Variants in COBL observed in about 807,000 individuals in gnomAD.
COBL encodes the protein cordon-bleu WH2 repeat protein.
COBL carries 51 observed loss-of-function variants against 98.8 expected under a neutral mutation model. The observed-to-expected ratio is 0.52, with a 90% CI of 0.41 to 0.65. The LOEUF is 0.65. Among genes scored for constraint, COBL ranks in the 30% least tolerant of loss-of-function variants. The pLI, the probability that COBL is intolerant of heterozygous loss-of-function variation, is 0.00. For missense variants in COBL, 1,617 were observed against 1,617.5 expected (o/e 1.00, Z 0.01); for synonymous variants, 634 against 651.7 (o/e 0.97, Z 0.41).
At chr7:51,090,210 G>A (rs1329571419) in intron 6 of COBL, among the ~76,000 whole-genome samples, 1 of 152,132 alleles carries the variant, frequency 6.6e-6, no homozygotes, top group Non-Finnish European at 1.5e-5. Context: ...TAGCAGAAAA[G>A]GAAGCCCCGC....
intron 1 of COBL, among the ~76,000 whole-genome samples, chr7:51,265,293 T>C (rs964667101): frequency 7.2e-5 from 11 of 152,138 alleles, no homozygotes; most frequent in East Asian, 3.9e-4. Context: ...GGGAGTTAAA[T>C]AGCTGTGGAG....
At chr7:51,222,136 CCG>C (rs1477836001) in intron 1 of COBL, among the ~76,000 whole-genome samples, 1 of 152,098 alleles carries the variant, frequency 6.6e-6, no homozygotes, top group Non-Finnish European at 1.5e-5. Context: ...TTGCAGTGAG[CCG>C]AGATCGCACC....
At chr7:51,161,509 G>A (rs114452603) in intron 5 of COBL, among the ~76,000 whole-genome samples, 309 of 152,274 alleles carry the variant, frequency 2.0e-3, no homozygotes, top group African/African-American at 7.2e-3. Context: ...CTTTTGCTAT[G>A]GAAATCACTT....
At chr7:51,254,769 C>G (rs759613296) in intron 1 of COBL, among the ~76,000 whole-genome samples, 1 of 152,146 alleles carries the variant, frequency 6.6e-6, no homozygotes, top group South Asian at 2.1e-4. Context: ...ACCATCTGAC[C>G]TCATGAAGGG....
chr7:51,085,854 T>C (rs1366546954), intron 6 of COBL, among the ~76,000 whole-genome samples: 3 of 152,182 alleles, frequency 2.0e-5, no homozygotes, highest in Non-Finnish European at 4.4e-5. Context: ...CACATCTTGA[T>C]CCAGAATCGC....
chr7:51,125,794 T>C (rs1798147363), intron 6 of COBL, among the ~76,000 whole-genome samples: 1 of 152,130 alleles, frequency 6.6e-6, no homozygotes, highest in Non-Finnish European at 1.5e-5. Flanking sequence ...CTAAAACAAA[T>C]GTTTTCAGAA....
chr7:51,154,322 G>A (rs1785879771), intron 5 of COBL, among the ~76,000 whole-genome samples: 1 of 152,226 alleles, frequency 6.6e-6, no homozygotes, highest in Admixed American at 6.5e-5. Flanking sequence ...AATGTGCTAT[G>A]AGCGCAAACT....
chr7:51,148,544 G>A (rs1021437950), intron 5 of COBL, among the ~76,000 whole-genome samples: 1 of 152,152 alleles, frequency 6.6e-6, no homozygotes, highest in African/African-American at 2.4e-5. Flanking sequence ...CTAAGGTCTT[G>A]TCCTGGCCCC....
chr7:51,089,188 T>C (rs891429776), intron 6 of COBL, among the ~76,000 whole-genome samples: 4 of 152,100 alleles, frequency 2.6e-5, no homozygotes, highest in African/African-American at 9.7e-5. Flanking sequence ...AGTTTCAGCT[T>C]CTTCTGCTTT....
intron 1 of COBL, among the ~76,000 whole-genome samples, chr7:51,251,451 T>G (rs571038498): frequency 6.6e-6 from 1 of 152,300 alleles, no homozygotes; most frequent in African/African-American, 2.4e-5. Context: ...AAACCACCCA[T>G]GTGTGATCAT....
chr7:51,035,582 G>A (rs1254488139), intron 8 of COBL: 4 of 152,040 alleles, frequency 2.6e-5, no homozygotes, highest in East Asian at 1.9e-4. Flanking sequence ...CAGAGTCCTA[G>A]AACAATGGTG....
At chr7:51,054,114 G>C (rs1007135884) in intron 7 of COBL, among the ~76,000 whole-genome samples, 1 of 152,208 alleles carries the variant, frequency 6.6e-6, no homozygotes, top group African/African-American at 2.4e-5. Context: ...CCAGGAGACA[G>C]AGGTTGCAGT....
intron 5 of COBL, among the ~76,000 whole-genome samples, chr7:51,170,802 T>C (rs975872877): frequency 6.6e-6 from 1 of 151,946 alleles, no homozygotes; most frequent in Non-Finnish European, 1.5e-5. Flanking sequence ...ACAGGTACAA[T>C]GTTACAGTTA....
intron 7 of COBL, among the ~76,000 whole-genome samples, chr7:51,060,606 C>T (rs751597068): frequency 3.3e-5 from 5 of 152,168 alleles, no homozygotes; most frequent in African/African-American, 4.8e-5. Flanking sequence ...ATATATGGTG[C>T]TGTTTCTCCC....
At chr7:51,188,983 CTTTTT>C (rs1223147258) in intron 4 of COBL, among the ~76,000 whole-genome samples, 1 of 152,084 alleles carries the variant, frequency 6.6e-6, no homozygotes, top group African/African-American at 2.4e-5. Flanking sequence ...CTTTATTTTT[CTTTTT>C]ATCTTAACAA....
chr7:51,133,216 T>C (rs910972262), intron 6 of COBL, among the ~76,000 whole-genome samples: 9 of 152,166 alleles, frequency 5.9e-5, no homozygotes, highest in Non-Finnish European at 1.2e-4. Flanking sequence ...TCGTCTGTCC[T>C]CCCAGATGAG....
chr7:51,249,373 G>T (rs1191667835), intron 1 of COBL, among the ~76,000 whole-genome samples: 2 of 152,128 alleles, frequency 1.3e-5, no homozygotes, highest in East Asian at 3.9e-4. Flanking sequence ...CCTTCCCACA[G>T]GACATATGCC....
intron 2 of COBL, among the ~76,000 whole-genome samples, chr7:51,213,020 C>A (rs996321641): frequency 6.6e-6 from 1 of 152,196 alleles, no homozygotes; most frequent in Non-Finnish European, 1.5e-5. Flanking sequence ...TAGCTACTTC[C>A]CAACACAATG....
intron 5 of COBL, among the ~76,000 whole-genome samples, chr7:51,150,582 G>A (rs1785466766): frequency 6.6e-6 from 1 of 152,086 alleles, no homozygotes; most frequent in Non-Finnish European, 1.5e-5. Context: ...AGAAACTATG[G>A]GAGTCAGGCA....
Sources: allele counts gnomAD v4.1 joint callset (sites outside exome capture counted in the v4.1 genomes callset), GRCh38; gene constraint gnomAD v4.1.1; transcripts MANE v1.5; gene names NCBI Gene and HGNC (gene_info 2026-07-23, HGNC 2026-07-21).